The following KCNQ5 variants were observed in gnomAD, a reference collection of about 807,000 sequenced individuals.
KCNQ5 encodes potassium voltage-gated channel subfamily Q member 5, also known as potassium voltage-gated channel subfamily KQT member 5.
A neutral mutation model predicts 98.2 loss-of-function variants in KCNQ5; 30 were observed. The ratio of observed to expected loss-of-function variants is 0.31; its 90% CI spans 0.23 to 0.41. The LOEUF is 0.41. Ranked by LOEUF, KCNQ5 falls within the 10% of genes least tolerant of loss-of-function variation. KCNQ5 has a pLI of 1.00. For synonymous variants in KCNQ5, 458 were observed against 449.4 expected (o/e 1.02, Z -0.24); for missense variants, 835 against 1,182.5 (o/e 0.71, Z 4.31).
At chr6:73,011,819 A>G (rs1490469530) in intron 2 of KCNQ5, among the ~76,000 whole-genome samples, 2 of 151,948 alleles carry the variant, frequency 1.3e-5, no homozygotes, top group Non-Finnish European at 2.9e-5. Flanking sequence ...TTGAATAAAC[A>G]TTTCTCAAAA....
intron 8 of KCNQ5, 76 bp from the exon 9 acceptor site, chr6:73,124,410 A>G (rs1775866024): frequency 4.5e-6 from 6 of 1,327,740 alleles, no homozygotes; most frequent in Middle Eastern, 3.6e-4. Flanking sequence ...CCAATCTCCA[A>G]TTTGGCCATT....
At chr6:72,808,394 C>T (rs1775060108) in intron 1 of KCNQ5, among the ~76,000 whole-genome samples, 1 of 152,064 alleles carries the variant, frequency 6.6e-6, no homozygotes, top group African/African-American at 2.4e-5. Flanking sequence ...GTGTCTACAT[C>T]AACCAAACCG....
intron 1 of KCNQ5, among the ~76,000 whole-genome samples, chr6:72,739,072 T>C (rs1229208066): frequency 6.6e-6 from 1 of 152,166 alleles, no homozygotes; most frequent in Non-Finnish European, 1.5e-5. Context: ...TGGGTCAGTG[T>C]AGGTTCGTTG....
chr6:72,932,278 G>A (rs1765725074), intron 1 of KCNQ5, among the ~76,000 whole-genome samples: 1 of 152,056 alleles, frequency 6.6e-6, no homozygotes, highest in South Asian at 2.1e-4. Context: ...GTGTGCGTGT[G>A]TGTGTGCATG....
At chr6:72,902,246 G>C (rs1779534242) in intron 1 of KCNQ5, among the ~76,000 whole-genome samples, 1 of 152,200 alleles carries the variant, frequency 6.6e-6, no homozygotes, top group Admixed American at 6.5e-5. Context: ...TTCTGGAGAA[G>C]TCTTTAGGGT....
chr6:72,667,013 G>A (rs943345702), intron 1 of KCNQ5, among the ~76,000 whole-genome samples: 5 of 152,008 alleles, frequency 3.3e-5, no homozygotes, highest in African/African-American at 1.2e-4. Flanking sequence ...TAAAAGATGT[G>A]TGCTACTATA....
chr6:72,884,855 C>T (rs1373339617), intron 1 of KCNQ5, among the ~76,000 whole-genome samples: 4 of 151,968 alleles, frequency 2.6e-5, no homozygotes, highest in East Asian at 1.9e-4. Context: ...TGAGCTCAAG[C>T]GATTCATCCA....
chr6:73,182,216 T>C lies in KCNQ5; in HGVS notation c.1578-8357T>C, dbSNP rs778006644. On this transcript the variant is annotated intron_variant, in intron 11 of 13. Transcript: ENST00000370398. ...GCTTGTTTTTATAAATAAAGTTTTATTGAAATGTAGTTACACTCATTCATT... is the reference window on the plus strand; with the variant it reads ...GCTTGTTTTTATAAATAAAGTTTTACTGAAATGTAGTTACACTCATTCATT... 1.8e-4 allele frequency among the ~76,000 whole-genome samples: 28 copies of C among 152,374 alleles called. 1 individual carries two copies. The highest frequency in any genetic ancestry group is 3.4e-3 in the Middle Eastern group (1 of 294).
intron 1 of KCNQ5, among the ~76,000 whole-genome samples, chr6:72,810,192 T>G (rs1004923101): frequency 1.3e-5 from 2 of 152,228 alleles, no homozygotes; most frequent in African/African-American, 4.8e-5. Context: ...AACAATGATG[T>G]CATATTATTT....
At chr6:72,841,229 T>C (rs1440160995) in intron 1 of KCNQ5, among the ~76,000 whole-genome samples, 2 of 152,158 alleles carry the variant, frequency 1.3e-5, no homozygotes, top group Non-Finnish European at 2.9e-5. Context: ...TAGTTTTGCA[T>C]TACCACTATT....
chr6:73,034,691 ATATG>A (rs1483768354), intron 2 of KCNQ5, among the ~76,000 whole-genome samples: 1 of 152,216 alleles, frequency 6.6e-6, no homozygotes, highest in Non-Finnish European at 1.5e-5. Flanking sequence ...CAGCAGAGTT[ATATG>A]TATCAATTAA....
chr6:73,150,830 A>G lies in KCNQ5; in HGVS notation c.1468+17189A>G, dbSNP rs898261866. Among the ~76,000 whole-genome samples, 423 of 72,792 alleles carry G rather than the reference A, an allele frequency of 5.8e-3. 2 individuals are homozygous for G. The highest frequency in any genetic ancestry group is 0.012 in the African/African-American group (406 of 34,128). 47.8% of individuals were successfully genotyped at this position (72,792 alleles called of 152,430 possible). On this transcript the variant is annotated intron_variant, in intron 10 of 13. Transcript: ENST00000370398. ...TGTAGTGTGGGAAGTGTATATATAT[A>G]TATGTGTGTGTGTGTGTGTGTATAT...
intron 1 of KCNQ5, among the ~76,000 whole-genome samples, chr6:72,902,562 A>G (rs1419317270): frequency 6.6e-6 from 1 of 152,010 alleles, no homozygotes; most frequent in African/African-American, 2.4e-5. Flanking sequence ...GAGGTGCTGG[A>G]TTTGTCAAAT....
rs563143002 is a variant in KCNQ5, at chr6:72,796,353, C to G, written c.398+173766C>G. Reference sequence around the variant, plus strand: ...AATTATGTGACTGCCTGGAATCCCACTCCCAAGCCTGGACAATGATGTAGG... The same window carrying G: ...AATTATGTGACTGCCTGGAATCCCAGTCCCAAGCCTGGACAATGATGTAGG... On this transcript the variant is annotated intron_variant, in intron 1 of 13. Transcript: ENST00000370398. 3.3e-5 allele frequency among the ~76,000 whole-genome samples: 5 copies of G among 152,318 alleles called. No homozygotes were observed. In the East Asian group the frequency reaches 7.7e-4, roughly 23 times the overall value.
At chr6:72,821,322 T>A (rs975375594) in intron 1 of KCNQ5, among the ~76,000 whole-genome samples, 1 of 152,230 alleles carries the variant, frequency 6.6e-6, no homozygotes, top group Non-Finnish European at 1.5e-5. Flanking sequence ...AAAGAAGGAA[T>A]ACAAGAGATC....
intron 1 of KCNQ5, among the ~76,000 whole-genome samples, chr6:72,936,563 A>G (rs978707808): frequency 7.2e-5 from 11 of 152,236 alleles, no homozygotes; most frequent in African/African-American, 2.7e-4. Context: ...GAAAGGTAGC[A>G]TAGAATTAGA....
At chr6:72,924,054 T>G (rs539816060) in intron 1 of KCNQ5, among the ~76,000 whole-genome samples, 1 of 152,340 alleles carries the variant, frequency 6.6e-6, no homozygotes, top group East Asian at 1.9e-4. Flanking sequence ...ATGGGTTACA[T>G]GAATAACATT....
intron 2 of KCNQ5, among the ~76,000 whole-genome samples, chr6:73,022,600 TTC>T (rs1412920170): frequency 2.6e-5 from 4 of 152,092 alleles, no homozygotes; most frequent in African/African-American, 9.7e-5. Context: ...CAGAATGAGT[TTC>T]TGTCTCTGAA....
intron 1 of KCNQ5, among the ~76,000 whole-genome samples, chr6:72,754,387 A>AT (rs1313317020): frequency 2.0e-5 from 3 of 151,954 alleles, no homozygotes; most frequent in Admixed American, 6.6e-5. Flanking sequence ...TTTGTGTTTC[A>AT]TTAGATTTGA....
Sources: gnomAD v4.1 joint callset for allele counts (sites outside exome capture counted in the v4.1 genomes callset) on GRCh38, gnomAD v4.1.1 for gene constraint, MANE v1.5 for transcripts, NCBI Gene and HGNC (gene_info 2026-07-23, HGNC 2026-07-21) for gene names.